Variants in SNAP47 observed in about 807,000 individuals in gnomAD.
SNAP47 encodes synaptosomal-associated protein 47.
In SNAP47, 20 loss-of-function variants were observed where a neutral mutation model predicts 31.4. The ratio of observed to expected loss-of-function variants is 0.64; its 90% CI spans 0.45 to 0.93. SNAP47 has a LOEUF of 0.93. Among genes scored for constraint, SNAP47 ranks in the 40% least tolerant of loss-of-function variants. The pLI is 0.00. For missense variants in SNAP47, 492 were observed against 528.5 expected, an observed-to-expected ratio of 0.93 and a Z score of 0.68; for synonymous variants, 194 against 213.4, an observed-to-expected ratio of 0.91 and a Z score of 0.79.
intron 4 of SNAP47, among the ~76,000 whole-genome samples, chr1:227,779,418 A>G (rs4606309): frequency 1.3e-5 from 2 of 152,116 alleles, no homozygotes; most frequent in Admixed American, 1.3e-4. Flanking sequence ...CTGCTCCCCC[A>G]GGGCTCAGGA....
upstream of SNAP47, chr1:227,733,593 G>A (rs1558182502): frequency 1.2e-6 from 2 of 1,608,006 alleles, no homozygotes; most frequent in Non-Finnish European, 1.7e-6. Flanking sequence ...GCCTCTTCCT[G>A]CCCTGGGGGG....
intron 3 of SNAP47, among the ~76,000 whole-genome samples, chr1:227,761,626 G>C (rs1663068789): frequency 6.6e-6 from 1 of 152,188 alleles, no homozygotes; most frequent in Non-Finnish European, 1.5e-5. Context: ...CACATTCAAG[G>C]TAAATGGTAC....
chr1:227,754,113 A>ATTCCCT (rs1451103604), intron 2 of SNAP47, among the ~76,000 whole-genome samples: 2 of 152,216 alleles, frequency 1.3e-5, no homozygotes, highest in African/African-American at 4.8e-5. Flanking sequence ...CTCTCAGCAG[A>ATTCCCT]TGGGGAAGCC....
rs1294438416 is a variant in SNAP47 at position 227,759,154 on chromosome 1, C to A, written c.657C>A (p.His219Gln). ...TAAAAATTCCTGCTGTTATTTCCCACAGAACAGAGTCTCACGTTAAACCAG... is the reference window on the plus strand; with the variant it reads ...TAAAAATTCCTGCTGTTATTTCCCAAAGAACAGAGTCTCACGTTAAACCAG... ...ILIKIPAVIS[H>Q]RTESHVKPGR... is the part of the protein sequence containing the mutation. The change falls in exon 3 of 5, where the codon CAC becomes CAA. Residue 219 changes from histidine to glutamine, a missense_variant. Transcript: ENST00000617596. 6.2e-7 allele frequency: 1 copy of A among 1,614,222 alleles called. No homozygotes were observed. The highest frequency in any genetic ancestry group is 1.3e-5 in the African/African-American group (1 of 75,056).
chr1:227,735,427 C>A (rs756207685), upstream of SNAP47: 9 of 1,535,118 alleles, frequency 5.9e-6, no homozygotes, highest in Admixed American at 1.8e-4. Context: ...CGGCTCGCCG[C>A]GGTCTTCACT....
chr1:227,759,935 G>A (rs551881531), intron 3 of SNAP47, among the ~76,000 whole-genome samples: 3 of 152,314 alleles, frequency 2.0e-5, no homozygotes, highest in Admixed American at 6.5e-5. Flanking sequence ...CCAAGAGTGG[G>A]TTGTTAGGAG....
chr1:227,748,518 A>G (rs1244533662), intron 2 of SNAP47, among the ~76,000 whole-genome samples: 1 of 152,250 alleles, frequency 6.6e-6, no homozygotes, highest in Non-Finnish European at 1.5e-5. Context: ...CCACTGCACC[A>G]TGCTGAGTCC....
intron 4 of SNAP47, among the ~76,000 whole-genome samples, chr1:227,769,891 C>T (rs1663681208): frequency 6.6e-6 from 1 of 152,216 alleles, no homozygotes; most frequent in African/African-American, 2.4e-5. Flanking sequence ...CTCATGCAGC[C>T]TCATCTGTCT....
upstream of SNAP47, chr1:227,732,665 C>G (rs1195190949): frequency 6.2e-7 from 1 of 1,612,718 alleles, no homozygotes; most frequent in African/African-American, 1.3e-5. Flanking sequence ...CCGAGCAGGA[C>G]CTCATGATGA....
rs958914009 is a variant in SNAP47 at position 227,762,617 on chromosome 1, G to C, written c.988+3132G>C. Among the ~76,000 whole-genome samples, 1 of 152,130 alleles carries C rather than the reference G, an allele frequency of 6.6e-6. No homozygotes were observed. The highest frequency in any genetic ancestry group is 2.4e-5 in the African/African-American group (1 of 41,452). On this transcript the variant is annotated intron_variant, in intron 3 of 4. Transcript: ENST00000617596. The surrounding 1 kb of genome is among the most constrained non-coding windows in gnomAD (Gnocchi z 4.2). ...TGTGGCCACAGGGTGGCAGCCTCGC[G>C]ACACCGGATGGGCGCTTGTCAGGGA...
chr1:227,738,168 A>C (rs1661354468), intron 1 of SNAP47, among the ~76,000 whole-genome samples: 1 of 152,092 alleles, frequency 6.6e-6, no homozygotes, highest in South Asian at 2.1e-4. Context: ...CAGCCTCCTG[A>C]GTAGCGAAGA....
rs776550198 is a variant in SNAP47 at position 227,780,642 on chromosome 1, A to G, written c.1229A>G (p.Lys410Arg). The G allele has an allele frequency of 2.5e-6, 4 of 1,614,210 alleles. No individual in the cohort carries two copies. In the Admixed American group the frequency reaches 6.7e-5, roughly 27 times the overall value. ...GACAGGGCAACCTTGACCATCGACA[A>G]GCACAACAGGCGGATGAAGAGGCTG... is the stretch of plus-strand genomic sequence containing the variant. ...AVDRATLTID[K>R]HNRRMKRLT Residue 410 changes from lysine to arginine, a missense_variant, in exon 5 of 5, where the codon AAG (lysine) becomes AGG (arginine). Lys to Arg is a conservative substitution (Grantham distance 26, BLOSUM62 2). Transcript: ENST00000617596.
rs995159501 is a variant in SNAP47 at position 227,768,389 on chromosome 1, C to T, written c.1113+1306C>T. On this transcript the variant is annotated intron_variant, in intron 4 of 4. Coordinates refer to ENST00000617596, the MANE Select transcript of SNAP47 (RefSeq NM_053052.4). The stretch of plus-strand genomic sequence containing the variant: ...GGTGGGTCTGGGGCTCTGTCAGGCC[C>T]GGCCCTGTTTTTGTAGGGAGTGTTT... 125 of 954,676 alleles carry T rather than the reference C, an allele frequency of 1.3e-4. No homozygotes were observed. The African/African-American group carries it at 2.0e-3, about 15-fold the overall frequency. 59.1% of individuals were successfully genotyped at this position (954,676 alleles called of 1,614,324 possible). A position where few individuals can be genotyped will look rare whatever the true frequency, so the allele number is the denominator to read the frequency against.
chr1:227,774,389 C>T (rs574614844), intron 4 of SNAP47, among the ~76,000 whole-genome samples: 72 of 151,316 alleles, frequency 4.8e-4, no homozygotes, highest in African/African-American at 1.7e-3. Context: ...AGAGCAATGC[C>T]GGAGGTAGGT....
In SNAP47 at chr1:227,747,706, T is replaced by C. The variant is rs780903502; in HGVS notation, c.-31T>C. ...TTCTCCTTCAGAGGCAGAAGAGGCC[T>C]GGACCTTGGCGCACACAGACCCAGG... On this transcript the variant is annotated 5_prime_UTR_variant, in exon 2 of 5. Coordinates refer to ENST00000617596, the MANE Select transcript of SNAP47 (RefSeq NM_053052.4). 1 of 1,602,142 alleles carries C rather than the reference T, an allele frequency of 6.2e-7. No homozygotes were observed. The highest frequency in any genetic ancestry group is 1.7e-5 in the Admixed American group (1 of 59,580).
chr1:227,732,802 C>T (rs2273937), upstream of SNAP47: 780 of 1,594,792 alleles, frequency 4.9e-4, 16 homozygotes, highest in East Asian at 0.017. Context: ...TGAGAAGCTG[C>T]GCGGTGACCA....
At chr1:227,738,280 TC>T (rs1661364030) in intron 1 of SNAP47, among the ~76,000 whole-genome samples, 1 of 152,152 alleles carries the variant, frequency 6.6e-6, no homozygotes, top group Non-Finnish European at 1.5e-5. Flanking sequence ...GACCTTGTGA[TC>T]TGCCCGACTC....
upstream of SNAP47, chr1:227,734,563 C>T: frequency 7.7e-7 from 1 of 1,299,948 alleles, no homozygotes; most frequent in Non-Finnish European, 1.1e-6. Context: ...CTCCGTTGTG[C>T]ACCCAGGGGC....
rs751306007 is a variant in SNAP47, at chr1:227,762,215, C to T, written c.988+2730C>T. Among the ~76,000 whole-genome samples, 80 of 152,362 alleles carry T rather than the reference C, an allele frequency of 5.3e-4. No homozygotes were observed. The highest frequency in any genetic ancestry group is 3.3e-3 in the Admixed American group (51 of 15,302). The stretch of plus-strand genomic sequence containing the variant: ...GTGGGGGACTGTTGTGCCACCTTTC[C>T]GTGCTCACTTTCACCCCCATGGGCA... On this transcript the variant is annotated intron_variant, in intron 3 of 4. Transcript: ENST00000617596. The surrounding 1 kb of genome is among the most constrained non-coding windows in gnomAD (Gnocchi z 4.2).
Sources: gnomAD v4.1 joint callset for allele counts (sites outside exome capture counted in the v4.1 genomes callset) on GRCh38, gnomAD v4.1.1 for gene constraint, Gnocchi (gnomAD v3.1) non-coding constraint, MANE v1.5 for transcripts, NCBI Gene and HGNC (gene_info 2026-07-23, HGNC 2026-07-21) for gene names.